Variants in TMEM232 observed in about 807,000 individuals in gnomAD.
TMEM232 encodes transmembrane protein 232.
TMEM232 carries 80 observed loss-of-function variants against 78.8 expected under a neutral mutation model. That is an observed-to-expected ratio of 1.01 (90% CI 0.85 to 1.22). The LOEUF is 1.22. Ranked by LOEUF, TMEM232 falls within the 50% of genes most tolerant of loss-of-function variation. The probability of loss-of-function intolerance (pLI) is 0.00; values close to 1 mark genes in which losing one functional copy is unlikely to be tolerated. For synonymous variants in TMEM232, 297 were observed against 254.3 expected, an observed-to-expected ratio of 1.17 and a Z score of -1.60; for missense variants, 881 against 742.2, an observed-to-expected ratio of 1.19 and a Z score of -2.17.
At chr5:110,415,786 A>C (rs1047336327), downstream of TMEM232, among the ~76,000 whole-genome samples, 2 of 152,090 alleles carry the variant, frequency 1.3e-5, no homozygotes, top group South Asian at 4.1e-4. Context: ...GATTGCTAAC[A>C]GTCTGGCTAT....
chr5:110,429,370 C>CAAAG (rs1757582105), intron 12 of TMEM232, among the ~76,000 whole-genome samples: 1 of 151,644 alleles, frequency 6.6e-6, no homozygotes, highest in Non-Finnish European at 1.5e-5. Flanking sequence ...GAGAAATGTG[C>CAAAG]AAAGATATTT....
intron 12 of TMEM232, among the ~76,000 whole-genome samples, chr5:110,527,418 A>C (rs2149524228): frequency 6.6e-6 from 1 of 152,098 alleles, no homozygotes; most frequent in African/African-American, 2.4e-5. Flanking sequence ...AGTCAAGTGA[A>C]AAATAAATAA....
chr5:110,590,653 GA>G (rs1238899739), intron 10 of TMEM232, among the ~76,000 whole-genome samples: 1 of 152,060 alleles, frequency 6.6e-6, no homozygotes, highest in Non-Finnish European at 1.5e-5. Context: ...AAGATCAAAG[GA>G]AAACATCTTC....
At chr5:110,675,926 C>T (rs3095957) in intron 1 of TMEM232, among the ~76,000 whole-genome samples, 91,937 of 151,956 alleles carry the variant, frequency 0.61, 32,252 homozygotes, top group Non-Finnish European at 0.79. Flanking sequence ...CCCATTTCTA[C>T]CTCCCACTCC....
At position 110,508,918 on chromosome 5, in the gene TMEM232, GTATA is replaced by G. The variant is rs542326301; in HGVS notation, c.1703+19666_1703+19669del. Among the ~76,000 whole-genome samples the G allele has an allele frequency of 3.5e-3, 453 of 130,028 alleles. 2 individuals carry two copies. Among genetic ancestry groups the G allele is most frequent in the Non-Finnish European group, 4.6e-3 (285 of 61,564 alleles). The allele number at this position is 130,028 out of a possible 152,430, so 85.3% of individuals were successfully genotyped here. A position where few individuals can be genotyped will look rare whatever the true frequency, so the allele number is the denominator to read the frequency against. Reference sequence around the variant, plus strand: ...TGTATATATATAAAATTATATATATGTATATATATAATTATATATATACACACAC... The same window carrying G: ...TGTATATATATAAAATTATATATATGTATATAATTATATATATACACACAC... On this transcript the variant is annotated intron_variant, in intron 12 of 13. Transcript: ENST00000455884.
At chr5:110,564,649 A>C (rs1005598304) in intron 11 of TMEM232, among the ~76,000 whole-genome samples, 16 of 151,932 alleles carry the variant, frequency 1.1e-4, no homozygotes, top group African/African-American at 3.1e-4. Context: ...ATGCTAACCT[A>C]GGCAAATTGG....
intron 8 of TMEM232, among the ~76,000 whole-genome samples, chr5:110,615,210 C>A (rs1782772968): frequency 6.6e-6 from 1 of 151,756 alleles, no homozygotes; most frequent in Non-Finnish European, 1.5e-5. Flanking sequence ...AACTTTTGTT[C>A]ATAAAGAATG....
intron 12 of TMEM232, among the ~76,000 whole-genome samples, chr5:110,492,427 T>C (rs1651723199): frequency 1.3e-5 from 2 of 151,822 alleles, no homozygotes; most frequent in Non-Finnish European, 2.9e-5. Flanking sequence ...GAATCAAAAA[T>C]TTTAAAAATA....
chr5:110,532,303 G>C (rs1354075454), intron 11 of TMEM232, among the ~76,000 whole-genome samples: 1 of 151,750 alleles, frequency 6.6e-6, no homozygotes, highest in Non-Finnish European at 1.5e-5. Flanking sequence ...TCTCGGCTTA[G>C]CGGCTGAAGA....
chr5:110,668,854 T>C (rs978472055), intron 1 of TMEM232, among the ~76,000 whole-genome samples: 4 of 152,168 alleles, frequency 2.6e-5, no homozygotes, highest in Non-Finnish European at 5.9e-5. Flanking sequence ...GCCTGGAAAC[T>C]GAACAACCTG....
At chr5:110,435,728 G>C (rs1333541093) in intron 12 of TMEM232, among the ~76,000 whole-genome samples, 1 of 151,726 alleles carries the variant, frequency 6.6e-6, no homozygotes, top group Admixed American at 6.6e-5. Context: ...TCTGTGCCTG[G>C]CTTATTTCAC....
chr5:110,652,294 G>GCGCGCGCACACACACA (rs1554069154), intron 2 of TMEM232, among the ~76,000 whole-genome samples: 90 of 145,448 alleles, frequency 6.2e-4, no homozygotes, highest in African/African-American at 1.1e-3. Context: ...GCACGCGCGC[G>GCGCGCGCACACACACA]CACACACACA....
chr5:110,504,297 C>T (rs1766613794), intron 12 of TMEM232, among the ~76,000 whole-genome samples: 2 of 152,102 alleles, frequency 1.3e-5, no homozygotes, highest in Non-Finnish European at 2.9e-5. Flanking sequence ...AATATAGCTA[C>T]TTGAGCAGAG....
intron 1 of TMEM232, among the ~76,000 whole-genome samples, chr5:110,695,667 T>C (rs1198937627): frequency 6.6e-6 from 1 of 152,090 alleles, no homozygotes; most frequent in Non-Finnish European, 1.5e-5. Context: ...GAGAATACTA[T>C]AAACACCTCT....
intron 11 of TMEM232, among the ~76,000 whole-genome samples, chr5:110,544,911 T>C (rs1442005514): frequency 6.6e-6 from 1 of 152,116 alleles, no homozygotes; most frequent in African/African-American, 2.4e-5. Flanking sequence ...CTTTATGGTT[T>C]TAAGAAGGAC....
intron 2 of TMEM232, among the ~76,000 whole-genome samples, chr5:110,664,802 A>G (rs1231194836): frequency 6.6e-6 from 1 of 152,156 alleles, no homozygotes; most frequent in Non-Finnish European, 1.5e-5. Flanking sequence ...CTAATCTCAT[A>G]ATGAGAGCTC....
intron 12 of TMEM232, among the ~76,000 whole-genome samples, chr5:110,519,071 A>G (rs1052520635): frequency 6.6e-6 from 1 of 152,208 alleles, no homozygotes; most frequent in Admixed American, 6.5e-5. Flanking sequence ...TAATTACAGG[A>G]CCACAATGGA....
intron 2 of TMEM232, among the ~76,000 whole-genome samples, chr5:110,652,411 T>C (rs995618439): frequency 2.6e-5 from 4 of 152,194 alleles, no homozygotes; most frequent in African/African-American, 9.6e-5. Flanking sequence ...AACATAGTTA[T>C]GTCATTTTAT....
At chr5:110,605,611 A>G (rs1580337393) in intron 9 of TMEM232, among the ~76,000 whole-genome samples, 2 of 152,284 alleles carry the variant, frequency 1.3e-5, no homozygotes, top group East Asian at 3.9e-4. Context: ...AATTAATTCA[A>G]TGAGATACTA....
Sources: gnomAD v4.1 joint callset for allele counts (sites outside exome capture counted in the v4.1 genomes callset) on GRCh38, gnomAD v4.1.1 for gene constraint, MANE v1.5 for transcripts, NCBI Gene and HGNC (gene_info 2026-07-23, HGNC 2026-07-21) for gene names.